Variants in PLXNA4 observed in about 807,000 individuals in gnomAD.
PLXNA4 encodes plexin-A4.
PLXNA4 carries 44 observed loss-of-function variants against 191.8 expected under a neutral mutation model. That is an observed-to-expected ratio of 0.23 (90% CI 0.18 to 0.29). The LOEUF is 0.29. Ranked by LOEUF, PLXNA4 falls within the 10% of genes least tolerant of loss-of-function variation. The pLI, the probability that PLXNA4 is intolerant of heterozygous loss-of-function variation, is 1.00. For synonymous variants in PLXNA4, 1,082 were observed against 1,009.5 expected, an observed-to-expected ratio of 1.07 and a Z score of -1.36; for missense variants, 1,800 against 2,488.8, an observed-to-expected ratio of 0.72 and a Z score of 5.89.
chr7:132,357,455 GAGTATC>G (rs1803756175), intron 3 of PLXNA4, among the ~76,000 whole-genome samples: 1 of 152,186 alleles, frequency 6.6e-6, no homozygotes. Context: ...AGCCAAATGA[GAGTATC>G]AATTCATTTG....
chr7:132,320,838 G>A (rs1802132199), intron 3 of PLXNA4, among the ~76,000 whole-genome samples: 1 of 152,074 alleles, frequency 6.6e-6, no homozygotes, highest in South Asian at 2.1e-4. Flanking sequence ...GAAACTCCAG[G>A]GCTGAAGCCA....
chr7:132,626,691 C>CT (rs369279308), intron 2 of PLXNA4, among the ~76,000 whole-genome samples: 42 of 152,184 alleles, frequency 2.8e-4, no homozygotes, highest in African/African-American at 8.9e-4. Flanking sequence ...AATTAAACCT[C>CT]TTTTTTTTAA....
At chr7:132,418,942 TCCG>T (rs1374911441) in intron 3 of PLXNA4, among the ~76,000 whole-genome samples, 1 of 152,222 alleles carries the variant, frequency 6.6e-6, no homozygotes, top group Non-Finnish European at 1.5e-5. Flanking sequence ...TTCAATTGTA[TCCG>T]TGACACTTTT....
intron 2 of PLXNA4, among the ~76,000 whole-genome samples, chr7:132,613,434 T>G (rs1803091606): frequency 6.6e-6 from 1 of 152,254 alleles, no homozygotes. Flanking sequence ...TAATTATCAC[T>G]GTCCCCATTA....
Position 132,148,590 on chromosome 7 carries a change from T to C in PLXNA4, c.4717A>G (p.Lys1573Glu). ...AGTCGCTTCCAATCATTCTCAATCT[T>C]GGTGGTGATGTCTTCATCCTGCAAG... is the stretch of plus-strand genomic sequence containing the variant. ...MILQDEDITTKIENDWKRLNT... is the reference protein window; with the variant it reads ...MILQDEDITTEIENDWKRLNT... The change falls in exon 26 of 32, where the codon AAG (lysine) becomes GAG (glutamate). Residue 1573 changes from lysine to glutamate, a missense_variant. Coordinates refer to ENST00000321063, the MANE Select transcript of PLXNA4 (RefSeq NM_020911.2). 6.2e-7 allele frequency: 1 copy of C among 1,614,124 alleles called. No homozygotes were observed. The highest frequency in any genetic ancestry group is 8.5e-7 in the Non-Finnish European group (1 of 1,180,014).
intron 2 of PLXNA4, among the ~76,000 whole-genome samples, chr7:132,609,592 C>T (rs1390369820): frequency 1.3e-5 from 2 of 152,182 alleles, no homozygotes; most frequent in Non-Finnish European, 1.5e-5. Flanking sequence ...CCAACTACAA[C>T]CTGCTCATTT....
intron 2 of PLXNA4, among the ~76,000 whole-genome samples, chr7:132,496,141 A>T (rs1798002804): frequency 1.3e-5 from 2 of 152,202 alleles, no homozygotes; most frequent in Non-Finnish European, 2.9e-5. Context: ...AGCAGGCATG[A>T]CTTTGAGGAA....
chr7:132,187,807 TTAGTAA>T (rs1796929437), intron 14 of PLXNA4, among the ~76,000 whole-genome samples, 200 bp from the exon 15 acceptor site: 1 of 152,200 alleles, frequency 6.6e-6, no homozygotes, highest in African/African-American at 2.4e-5. Flanking sequence ...CATGCCTATC[TTAGTAA>T]TAGTAATACT....
chr7:132,226,033 A>C, intron 8 of PLXNA4, 128 bp downstream of exon 8: 1 of 776,216 alleles, frequency 1.3e-6, no homozygotes, highest in Non-Finnish European at 2.1e-6. Flanking sequence ...ACCAGAGGAG[A>C]GGGAGTGAAG....
intron 3 of PLXNA4, among the ~76,000 whole-genome samples, chr7:132,314,356 TAAAAC>T (rs1019636105): frequency 6.6e-6 from 1 of 152,178 alleles, no homozygotes; most frequent in African/African-American, 2.4e-5. Flanking sequence ...ACCTAAGACT[TAAAAC>T]AAAACGAAGC....
intron 1 of PLXNA4, among the ~76,000 whole-genome samples, chr7:132,556,208 GATA>G (rs1800794303): frequency 1.3e-5 from 2 of 152,230 alleles, no homozygotes; most frequent in South Asian, 2.1e-4. Context: ...TGCAGAAAGT[GATA>G]ATATTTTTAC....
chr7:132,580,185 G>T (rs887763456), upstream of PLXNA4, among the ~76,000 whole-genome samples: 1 of 152,182 alleles, frequency 6.6e-6, no homozygotes, highest in African/African-American at 2.4e-5. Flanking sequence ...CTTTCCAGAT[G>T]AATGTATCTT....
chr7:132,507,905 C>T lies in PLXNA4; in HGVS notation c.789G>A (p.Met263Ile). Residue 263 changes from methionine (M) to isoleucine (I), a missense_variant, in exon 2 of 32, where the codon ATG becomes ATA. Met to Ile is a conservative substitution (Grantham distance 10). Coordinates refer to ENST00000321063, the MANE Select transcript of PLXNA4 (RefSeq NM_020911.2). ...TGGTGGTGGAGCCTGGTGGAGACAC[C>T]ATCTCAGGTTGGAGGGTCAAAAAGT... ...FVYFLTLQPE[M>I]VSPPGSTTKE... is the part of the protein sequence containing the mutation. 6.2e-7 allele frequency: 1 copy of T among 1,614,122 alleles called. No individual in the cohort carries two copies. Among genetic ancestry groups the T allele is most frequent in the Non-Finnish European group, 8.5e-7 (1 of 1,180,012 alleles).
chr7:132,434,104 G>A (rs761349589), intron 3 of PLXNA4, among the ~76,000 whole-genome samples: 32 of 152,168 alleles, frequency 2.1e-4, no homozygotes, highest in Admixed American at 3.3e-4. Context: ...CTCCAAGGAC[G>A]CTTCCCGCCT....
intron 5 of PLXNA4, among the ~76,000 whole-genome samples, chr7:132,237,862 G>A (rs17166273): frequency 2.6e-5 from 4 of 152,110 alleles, no homozygotes; most frequent in South Asian, 2.1e-4. Flanking sequence ...GACAAAAATC[G>A]GTACCCGTGG....
intron 3 of PLXNA4, among the ~76,000 whole-genome samples, chr7:132,422,913 C>T (rs768259262): frequency 6.6e-6 from 1 of 152,206 alleles, no homozygotes; most frequent in Non-Finnish European, 1.5e-5. Flanking sequence ...CCTCTGAAAG[C>T]GAGATCTGCC....
chr7:132,613,914 C>T (rs900534885), intron 2 of PLXNA4, among the ~76,000 whole-genome samples: 5 of 152,194 alleles, frequency 3.3e-5, no homozygotes, highest in South Asian at 2.1e-4. Context: ...TGCCTGTGGG[C>T]GTGGGGCTTC....
At chr7:132,465,711 A>T (rs1796674736) in intron 3 of PLXNA4, among the ~76,000 whole-genome samples, 1 of 152,194 alleles carries the variant, frequency 6.6e-6, no homozygotes, top group South Asian at 2.1e-4. Context: ...AGTTCGGGCC[A>T]GATGAGTTCA....
At chr7:132,457,987 A>G (rs1051640624) in intron 3 of PLXNA4, among the ~76,000 whole-genome samples, 3 of 152,226 alleles carry the variant, frequency 2.0e-5, no homozygotes, top group African/African-American at 4.8e-5. Flanking sequence ...CAGAGCTGTA[A>G]GAGAATACAT....
Sources: gnomAD v4.1 joint callset for allele counts (sites outside exome capture counted in the v4.1 genomes callset) on GRCh38, gnomAD v4.1.1 for gene constraint, MANE v1.5 for transcripts, NCBI Gene and HGNC (gene_info 2026-07-23, HGNC 2026-07-21) for gene names.